The following TACR3 variants were observed in gnomAD, a reference collection of about 807,000 sequenced individuals.
TACR3 encodes the protein tachykinin receptor 3, also known as neuromedin-K receptor.
In TACR3, 34 loss-of-function variants were observed where a neutral mutation model predicts 35.0. That is an observed-to-expected ratio of 0.97 (90% CI 0.74 to 1.30). TACR3 has a LOEUF of 1.30. Among genes scored for constraint, TACR3 ranks in the 50% most tolerant of loss-of-function variants. The pLI is 0.00. For synonymous variants in TACR3, 233 were observed against 221.1 expected (o/e 1.05, Z -0.48); for missense variants, 558 against 591.7 (o/e 0.94, Z 0.59).
At chr4:103,675,796 A>G (rs1726157945) in intron 1 of TACR3, among the ~76,000 whole-genome samples, 1 of 152,104 alleles carries the variant, frequency 6.6e-6, no homozygotes, top group East Asian at 1.9e-4. Context: ...ACACCAAGAA[A>G]AGGCCAAAGA....
At chr4:103,718,277 C>T (rs1723134717) in intron 1 of TACR3, among the ~76,000 whole-genome samples, 1 of 152,142 alleles carries the variant, frequency 6.6e-6, no homozygotes, top group Non-Finnish European at 1.5e-5. Flanking sequence ...CATGCAACTG[C>T]CTTTCACAAA....
chr4:103,657,636 C>T (rs1725758318), intron 2 of TACR3, among the ~76,000 whole-genome samples: 2 of 152,030 alleles, frequency 1.3e-5, no homozygotes, highest in South Asian at 4.1e-4. Context: ...ATAAATTACA[C>T]AATTACATTA....
intron 1 of TACR3, 124 bp downstream of exon 1, chr4:103,719,004 A>C: frequency 7.1e-7 from 1 of 1,402,066 alleles, no homozygotes; most frequent in Non-Finnish European, 9.8e-7. Flanking sequence ...CTTTCAGCAA[A>C]AATTCTTAGT....
intron 1 of TACR3, among the ~76,000 whole-genome samples, chr4:103,711,302 G>C (rs1288709902): frequency 6.6e-6 from 1 of 152,186 alleles, no homozygotes; most frequent in Non-Finnish European, 1.5e-5. Flanking sequence ...CCATGATCAA[G>C]TGGGCTTCAT....
In TACR3 at chr4:103,587,548, G is replaced by A. The variant is rs750099479; in HGVS notation, c.*2134C>T. ...TCTACTGAATTTCTCTAATATGTGA[G>A]GGCCAGGAGTTATATTTTTCAAATG... On this transcript the variant is annotated 3_prime_UTR_variant, in exon 5 of 5. Coordinates refer to ENST00000304883, the MANE Select transcript of TACR3 (RefSeq NM_001059.3). 14 of 152,016 alleles carry A rather than the reference G, an allele frequency of 9.2e-5. No individual in the cohort carries two copies. Among genetic ancestry groups the A allele is most frequent in the Non-Finnish European group, 1.6e-4 (11 of 67,970 alleles). The allele number at this position is 152,016 out of a possible 1,614,324, so 9.4% of individuals were successfully genotyped here.
chr4:103,636,614 AC>A (rs1725197796), intron 3 of TACR3, among the ~76,000 whole-genome samples: 1 of 152,120 alleles, frequency 6.6e-6, no homozygotes, highest in African/African-American at 2.4e-5. Flanking sequence ...AAATAGAGAC[AC>A]AAAAAACCCT....
intron 3 of TACR3, among the ~76,000 whole-genome samples, chr4:103,595,749 A>G (rs923726264): frequency 5.3e-5 from 8 of 151,646 alleles, no homozygotes; most frequent in Admixed American, 5.3e-4. Context: ...TCTTCTAATT[A>G]TTTTATTTTT....
At chr4:103,633,016 GATATTATT>G (rs1725101626) in intron 3 of TACR3, among the ~76,000 whole-genome samples, 2 of 150,866 alleles carry the variant, frequency 1.3e-5, no homozygotes, top group South Asian at 4.2e-4. Flanking sequence ...TTAGTATGAT[GATATTATT>G]ATATTATTAA....
In TACR3 at chr4:103,622,513, C is replaced by T. The variant is rs574655724; in HGVS notation, c.889-30830G>A. On this transcript the variant is annotated intron_variant, in intron 3 of 4. Transcript: ENST00000304883. ...TTGGGAGGCTGAGGCAGGCGGATCA[C>T]AAGGTCAGGAGATCGAGACCATCCT... Among the ~76,000 whole-genome samples, 3 of 152,256 alleles carry T rather than the reference C, an allele frequency of 2.0e-5. No homozygotes were observed. In the South Asian group the frequency reaches 6.2e-4, roughly 32 times the overall value.
At chr4:103,595,169 C>T (rs563289243) in intron 3 of TACR3, among the ~76,000 whole-genome samples, 3 of 152,284 alleles carry the variant, frequency 2.0e-5, no homozygotes, top group South Asian at 2.1e-4. Flanking sequence ...CACTGTATTG[C>T]ATGGCTGAAC....
intron 4 of TACR3, 88 bp from the exon 5 acceptor site, chr4:103,590,082 G>T: frequency 6.7e-7 from 1 of 1,498,876 alleles, no homozygotes; most frequent in Non-Finnish European, 9.1e-7. Flanking sequence ...ACCTAAGGCA[G>T]TTATAACAAC....
chr4:103,624,106 C>G (rs563846165), intron 3 of TACR3, among the ~76,000 whole-genome samples: 1 of 152,090 alleles, frequency 6.6e-6, no homozygotes, highest in African/African-American at 2.4e-5. Flanking sequence ...TTTGAAGGAC[C>G]CGTTGCTTAT....
At chr4:103,635,052 C>T (rs1725150584) in intron 3 of TACR3, among the ~76,000 whole-genome samples, 3 of 151,926 alleles carry the variant, frequency 2.0e-5, no homozygotes, top group South Asian at 2.1e-4. Context: ...GCTTGCCTCA[C>T]CATTTGATGT....
chr4:103,672,303 A>G (rs1726075114), intron 1 of TACR3, among the ~76,000 whole-genome samples: 1 of 152,140 alleles, frequency 6.6e-6, no homozygotes, highest in African/African-American at 2.4e-5. Flanking sequence ...TACTTTTCCC[A>G]GATCCATCAG....
chr4:103,650,788 G>T (rs189673299), intron 3 of TACR3, among the ~76,000 whole-genome samples: 7 of 47,058 alleles, frequency 1.5e-4, no homozygotes, highest in African/African-American at 5.9e-4. Flanking sequence ...TATTATATAT[G>T]ATATATATAT....
chr4:103,630,440 C>T (rs938209876), intron 3 of TACR3, among the ~76,000 whole-genome samples: 1 of 152,144 alleles, frequency 6.6e-6, no homozygotes, highest in Non-Finnish European at 1.5e-5. Context: ...ATCTACCTAT[C>T]TAACAAACGG....
chr4:103,671,808 C>A (rs1032318434), intron 1 of TACR3, among the ~76,000 whole-genome samples: 1 of 151,744 alleles, frequency 6.6e-6, no homozygotes, highest in African/African-American at 2.4e-5. Flanking sequence ...TTGCTGTATC[C>A]CACAAAGGTT....
intron 1 of TACR3, among the ~76,000 whole-genome samples, chr4:103,687,336 C>A (rs528768958): frequency 3.5e-4 from 54 of 152,156 alleles, no homozygotes; most frequent in African/African-American, 1.2e-3. Context: ...AAAACTGGCA[C>A]AAGACAGGGA....
At chr4:103,628,143 G>A (rs1361378135) in intron 3 of TACR3, among the ~76,000 whole-genome samples, 2 of 152,204 alleles carry the variant, frequency 1.3e-5, no homozygotes, top group African/African-American at 4.8e-5. Flanking sequence ...CACATTTGAA[G>A]CAGTGTGTAG....
Sources: allele counts gnomAD v4.1 joint callset (sites outside exome capture counted in the v4.1 genomes callset), GRCh38; gene constraint gnomAD v4.1.1; transcripts MANE v1.5; gene names NCBI Gene and HGNC (gene_info 2026-07-23, HGNC 2026-07-21).